Variants in SLC39A11 observed in about 807,000 individuals in gnomAD.
SLC39A11 encodes the protein zinc transporter ZIP11.
In SLC39A11, 33 loss-of-function variants were observed where a neutral mutation model predicts 36.1. The observed-to-expected ratio is 0.91, with a 90% CI of 0.69 to 1.22. SLC39A11 has a LOEUF of 1.22. SLC39A11 is among the 50% of genes most tolerant of loss of function. The pLI, the probability that SLC39A11 is intolerant of heterozygous loss-of-function variation, is 0.00. For synonymous variants in SLC39A11, 166 were observed against 170.3 expected (o/e 0.97, Z 0.20); for missense variants, 432 against 430.3 (o/e 1.00, Z -0.03).
intron 8 of SLC39A11, 39 bp from the exon 9 acceptor site, chr17:72,649,000 G>A (rs1457965342): frequency 5.0e-6 from 8 of 1,591,750 alleles, no homozygotes; most frequent in South Asian, 1.1e-5. Context: ...CGCAGGGGGA[G>A]GCAAGCAGAC....
intron 5 of SLC39A11, among the ~76,000 whole-genome samples, chr17:72,879,358 C>T (rs2081079815): frequency 1.3e-5 from 2 of 152,192 alleles, no homozygotes; most frequent in African/African-American, 2.4e-5. Context: ...CGCTTCCATA[C>T]AAAAGATACT....
At position 73,051,137 on chromosome 17, in the gene SLC39A11, G is replaced by A. The variant is rs919342078; in HGVS notation, c.148-19423C>T. ...CCCTCTAAAGGCTCTTGGGAAGAAA[G>A]CTTCCCTGCCTCTAGTGGCTGCCAG... is the stretch of plus-strand genomic sequence containing the variant. On this transcript the variant is annotated intron_variant, in intron 3 of 9. Coordinates refer to ENST00000255559, the MANE Select transcript of SLC39A11 (RefSeq NM_139177.4). Among the ~76,000 whole-genome samples the A allele has an allele frequency of 5.3e-5, 8 of 152,122 alleles. 1 individual carries two copies. The highest frequency in any genetic ancestry group is 3.9e-4 in the Admixed American group (6 of 15,278).
chr17:72,729,438 TATATATATATATA>T (rs1567994960), intron 7 of SLC39A11, among the ~76,000 whole-genome samples: 23 of 4,770 alleles, frequency 4.8e-3, no homozygotes, highest in African/African-American at 7.1e-3. Flanking sequence ...TATATATATA[TATATATATATATA>T]TATATATTTT....
intron 3 of SLC39A11, 138 bp downstream of exon 3, chr17:73,084,670 T>C (rs563334495): frequency 4.5e-5 from 34 of 750,942 alleles, no homozygotes; most frequent in Non-Finnish European, 7.0e-5. Context: ...TGGCAGGTGA[T>C]AAGAGGGAGG....
intron 6 of SLC39A11, among the ~76,000 whole-genome samples, chr17:72,783,652 G>T (rs574504315): frequency 1.1e-4 from 16 of 152,328 alleles, no homozygotes; most frequent in African/African-American, 3.6e-4. Context: ...AGCCGTGGGG[G>T]CAGGGAAGAA....
chr17:72,908,794 T>C (rs187122597), intron 5 of SLC39A11, among the ~76,000 whole-genome samples: 12 of 152,188 alleles, frequency 7.9e-5, no homozygotes, highest in Non-Finnish European at 1.5e-4. Context: ...ATTGGATGGG[T>C]AGAAATTACC....
At chr17:72,735,906 T>C (rs1187230204) in intron 7 of SLC39A11, among the ~76,000 whole-genome samples, 1 of 152,204 alleles carries the variant, frequency 6.6e-6, no homozygotes, top group Non-Finnish European at 1.5e-5. Context: ...CCAGTGCTTC[T>C]GTATGGAAGG....
intron 6 of SLC39A11, among the ~76,000 whole-genome samples, chr17:72,840,872 G>C (rs538915188): frequency 1.3e-5 from 2 of 151,812 alleles, no homozygotes; most frequent in Admixed American, 1.3e-4. Context: ...TGGCTAACAC[G>C]GTGAAACCCC....
At chr17:72,665,320 C>T (rs2070681408) in intron 7 of SLC39A11, among the ~76,000 whole-genome samples, 1 of 150,392 alleles carries the variant, frequency 6.6e-6, no homozygotes, top group African/African-American at 2.5e-5. Context: ...AGCAAAACCA[C>T]TCTCAGATTC....
rs149256723 is a variant in SLC39A11, at chr17:72,756,314, A to G, written c.602-19595T>C. On this transcript the variant is annotated intron_variant, in intron 6 of 9. Transcript: ENST00000255559. ...GTCAAAGCACTGAAAGCAGGGTCTC[A>G]AAGAGATACTTGCCTACCTACATTT... is the stretch of plus-strand genomic sequence containing the variant. Among the ~76,000 whole-genome samples, 6 of 152,348 alleles carry G rather than the reference A, an allele frequency of 3.9e-5. No individual in the cohort carries two copies. In the East Asian group the frequency reaches 7.7e-4, roughly 20 times the overall value.
chr17:72,995,263 G>A (rs1279154683), intron 4 of SLC39A11, among the ~76,000 whole-genome samples: 2 of 152,160 alleles, frequency 1.3e-5, no homozygotes, highest in East Asian at 1.9e-4. Flanking sequence ...CCAAATAGAT[G>A]TGCAAGTGAC....
At chr17:72,947,717 A>G (rs770877196) in intron 5 of SLC39A11, 35 bp downstream of exon 5, 3 of 1,612,960 alleles carry the variant, frequency 1.9e-6, no homozygotes, top group East Asian at 4.5e-5. Context: ...CAGTGTCTGC[A>G]GCAAAGAGCT....
chr17:72,828,570 T>A (rs374577545), intron 6 of SLC39A11, among the ~76,000 whole-genome samples: 22 of 152,350 alleles, frequency 1.4e-4, no homozygotes, highest in African/African-American at 3.1e-4. Context: ...CCCCAGAGCC[T>A]GTGTGCTTAA....
intron 7 of SLC39A11, among the ~76,000 whole-genome samples, chr17:72,662,849 A>G (rs2070536647): frequency 6.6e-6 from 1 of 152,218 alleles, no homozygotes; most frequent in Non-Finnish European, 1.5e-5. Flanking sequence ...AAAGACAGGC[A>G]CACACATCCT....
chr17:73,041,200 C>T (rs1159628501), intron 3 of SLC39A11, among the ~76,000 whole-genome samples: 1 of 152,136 alleles, frequency 6.6e-6, no homozygotes, highest in African/African-American at 2.4e-5. Context: ...CTTCCAAATT[C>T]TCACTGGAGT....
At chr17:72,911,850 G>C (rs780905637) in intron 5 of SLC39A11, among the ~76,000 whole-genome samples, 81 of 152,162 alleles carry the variant, frequency 5.3e-4, no homozygotes, top group Non-Finnish European at 1.1e-3. Flanking sequence ...CACCATGTTG[G>C]CCAGGCTGGT....
At chr17:72,834,365 T>C (rs556274676) in intron 6 of SLC39A11, among the ~76,000 whole-genome samples, 2 of 152,338 alleles carry the variant, frequency 1.3e-5, no homozygotes, top group South Asian at 4.1e-4. Context: ...CTCACGCCTA[T>C]AATCCCAGCA....
intron 6 of SLC39A11, among the ~76,000 whole-genome samples, chr17:72,833,055 C>G (rs1026865696): frequency 6.6e-6 from 1 of 152,102 alleles, no homozygotes; most frequent in Non-Finnish European, 1.5e-5. Context: ...ATAAATCAAG[C>G]CCTTGTCAAT....
chr17:72,649,618 C>G (rs1269171903), intron 7 of SLC39A11, among the ~76,000 whole-genome samples: 1 of 151,284 alleles, frequency 6.6e-6, no homozygotes, highest in Non-Finnish European at 1.5e-5. Flanking sequence ...TTCTACGCCT[C>G]TGTTTCTTTT....
Sources: allele counts gnomAD v4.1 joint callset (sites outside exome capture counted in the v4.1 genomes callset), GRCh38; gene constraint gnomAD v4.1.1; transcripts MANE v1.5; gene names NCBI Gene and HGNC (gene_info 2026-07-23, HGNC 2026-07-21).